The following SORBS2 variants were observed in gnomAD, a reference collection of about 807,000 sequenced individuals.
The protein encoded by SORBS2 is sorbin and SH3 domain containing 2.
A neutral mutation model predicts 97.7 loss-of-function variants in SORBS2; 46 were observed. The observed-to-expected ratio is 0.47, with a 90% CI of 0.37 to 0.60. The LOEUF (loss-of-function observed/expected upper bound fraction) is 0.60, where lower values mean the gene tolerates loss of function less well. SORBS2 is among the 20% of genes least tolerant of loss of function. SORBS2 has a pLI of 0.00. For missense variants in SORBS2, 1,316 were observed against 1,282.3 expected (o/e 1.03, Z -0.40); for synonymous variants, 476 against 473.4 (o/e 1.01, Z -0.07).
At chr4:185,849,105 C>G (rs1448620336) in intron 1 of SORBS2, among the ~76,000 whole-genome samples, 1 of 152,174 alleles carries the variant, frequency 6.6e-6, no homozygotes, top group African/African-American at 2.4e-5. Flanking sequence ...TCTTATATAG[C>G]TGGCCCTTAC....
chr4:185,852,548 C>T (rs185426338), intron 1 of SORBS2, among the ~76,000 whole-genome samples: 16 of 152,268 alleles, frequency 1.1e-4, no homozygotes, highest in African/African-American at 2.4e-4. Context: ...TTATGTTCCA[C>T]GGTTTTGATA....
intron 5 of SORBS2, 56 bp from the exon 18 acceptor site, chr4:185,627,075 C>G (rs2096827554): frequency 6.6e-7 from 1 of 1,520,270 alleles, no homozygotes. Flanking sequence ...CGGGTGTGCA[C>G]CAGAAAAACC....
intron 1 of SORBS2, among the ~76,000 whole-genome samples, chr4:185,917,071 A>G (rs2099258573): frequency 6.6e-6 from 1 of 152,136 alleles, no homozygotes. Context: ...CTATCTAACA[A>G]ATACTCTATA....
intron 2 of SORBS2, among the ~76,000 whole-genome samples, chr4:185,748,977 G>A (rs1031849979): frequency 6.6e-6 from 1 of 152,170 alleles, no homozygotes; most frequent in Non-Finnish European, 1.5e-5. Context: ...AAGCTAAGAT[G>A]GTATTCAAAC....
intron 1 of SORBS2, among the ~76,000 whole-genome samples, chr4:185,897,035 C>T (rs887065890): frequency 1.3e-5 from 2 of 152,180 alleles, no homozygotes; most frequent in Non-Finnish European, 2.9e-5. Context: ...AGATGACAGC[C>T]TCAGAAGCAA....
chr4:185,855,146 C>T (rs879592399), intron 1 of SORBS2, among the ~76,000 whole-genome samples: 1 of 152,120 alleles, frequency 6.6e-6, no homozygotes, highest in Non-Finnish European at 1.5e-5. Context: ...ATAGTTTTTC[C>T]TTGAAATACA....
intron 2 of SORBS2, among the ~76,000 whole-genome samples, chr4:185,726,585 A>G (rs995462515): frequency 2.6e-5 from 4 of 151,612 alleles, no homozygotes; most frequent in African/African-American, 7.3e-5. Context: ...AGTTCTGGAA[A>G]CCTCATATAC....
At chr4:185,754,481 A>G (rs2098819413) in intron 2 of SORBS2, among the ~76,000 whole-genome samples, 2 of 152,336 alleles carry the variant, frequency 1.3e-5, no homozygotes, top group Non-Finnish European at 2.9e-5. Context: ...ATAAAAGTTA[A>G]AAGAATAATA....
At chr4:185,883,936 G>A (rs1043652842) in intron 1 of SORBS2, among the ~76,000 whole-genome samples, 1 of 152,198 alleles carries the variant, frequency 6.6e-6, no homozygotes, top group African/African-American at 2.4e-5. Context: ...AAAGATATCA[G>A]TCACGTAAGT....
intron 11 of SORBS2, chr4:185,614,625 CG>C (rs2096600294): frequency 3.6e-6 from 2 of 561,858 alleles, no homozygotes; most frequent in African/African-American, 1.9e-5. Context: ...TGGTATCCCA[CG>C]GGGAACTCCT....
chr4:185,596,067 G>T (rs1030884620), intron 12 of SORBS2, among the ~76,000 whole-genome samples: 1 of 152,092 alleles, frequency 6.6e-6, no homozygotes, highest in Admixed American at 6.5e-5. Flanking sequence ...TTATGAATAA[G>T]AAAATATTAT....
chr4:185,877,919 G>T (rs368738230), intron 1 of SORBS2, among the ~76,000 whole-genome samples: 1 of 129,324 alleles, frequency 7.7e-6, no homozygotes, highest in African/African-American at 2.8e-5. Flanking sequence ...AAGAAAGAAA[G>T]AAAAATAAAG....
exon 9 of SORBS2, chr4:185,618,587 A>G (rs2096662883): frequency 6.6e-7 from 1 of 1,515,030 alleles, no homozygotes. Context: ...TTACTTACTT[A>G]GATGTCTGAG....
intron 2 of SORBS2, among the ~76,000 whole-genome samples, chr4:185,759,073 A>C (rs2098847740): frequency 6.6e-6 from 1 of 152,220 alleles, no homozygotes; most frequent in Non-Finnish European, 1.5e-5. Flanking sequence ...TCAAGCGCTC[A>C]GAACAGTCCT....
chr4:185,601,435 GGAACTACTCGA>G lies in SORBS2; in HGVS notation c.2797-7511_2797-7501del, dbSNP rs557725332. Among the ~76,000 whole-genome samples the G allele has an allele frequency of 1.2e-3, 178 of 152,276 alleles. 1 individual carries two copies. The highest frequency in any genetic ancestry group is 3.9e-3 in the African/African-American group (161 of 41,554). ...CCTTCCTGCTGGTTCGTGTGAGAAG[GGAACTACTCGA>G]GCTGCCACCTGGGACCCATAGCGGA... On this transcript the variant is annotated intron_variant, in intron 12 of 14. Transcript: ENST00000418609.
chr4:185,683,742 G>A (rs1313980825), intron 2 of SORBS2, among the ~76,000 whole-genome samples: 3 of 152,094 alleles, frequency 2.0e-5, no homozygotes, highest in Non-Finnish European at 2.9e-5. Flanking sequence ...TGGATTAGAG[G>A]TGGTGAACGG....
intron 2 of SORBS2, among the ~76,000 whole-genome samples, chr4:185,739,772 C>T (rs2098710943): frequency 6.6e-6 from 1 of 152,142 alleles, no homozygotes; most frequent in Non-Finnish European, 1.5e-5. Flanking sequence ...GAAATGCTAC[C>T]AAGTTGCTTC....
intron 12 of SORBS2, among the ~76,000 whole-genome samples, chr4:185,604,187 ATGTT>A (rs2096350316): frequency 2.6e-5 from 4 of 152,204 alleles, no homozygotes; most frequent in Admixed American, 6.5e-5. Flanking sequence ...TGTCTTTTAA[ATGTT>A]TGGATAGAGG....
chr4:185,676,544 A>G (rs149862318), intron 4 of SORBS2, among the ~76,000 whole-genome samples: 1,612 of 152,372 alleles, frequency 0.011, 27 homozygotes, highest in African/African-American at 0.036. Context: ...GCTTAAAATT[A>G]AGATAACTAT....
Sources: gnomAD v4.1 joint callset for allele counts (sites outside exome capture counted in the v4.1 genomes callset) on GRCh38, gnomAD v4.1.1 for gene constraint, MANE v1.5 for transcripts, NCBI Gene and HGNC (gene_info 2026-07-23, HGNC 2026-07-21) for gene names.